The following TAFA5 variants were observed in gnomAD, a reference collection of about 807,000 sequenced individuals.
TAFA5 encodes the protein chemokine-like protein TAFA-5.
In TAFA5, 6 loss-of-function variants were observed where a neutral mutation model predicts 15.3. That is an observed-to-expected ratio of 0.39 (90% CI 0.21 to 0.77). The LOEUF is 0.77. Ranked by LOEUF, TAFA5 falls within the 30% of genes least tolerant of loss-of-function variation. The pLI, the probability that TAFA5 is intolerant of heterozygous loss-of-function variation, is 0.41. For missense variants in TAFA5, 161 were observed against 193.1 expected (o/e 0.83, Z 0.98); for synonymous variants, 103 against 80.7 (o/e 1.28, Z -1.48).
At chr22:48,528,560 A>G (rs987634996) in intron 1 of TAFA5, among the ~76,000 whole-genome samples, 1 of 152,162 alleles carries the variant, frequency 6.6e-6, no homozygotes, top group Non-Finnish European at 1.5e-5. Context: ...GGTTGATCCC[A>G]GGAGTCTGAG....
intron 1 of TAFA5, among the ~76,000 whole-genome samples, chr22:48,533,312 C>G (rs7284876): frequency 0.51 from 76,899 of 152,036 alleles, 19,734 homozygotes; most frequent in Non-Finnish European, 0.54. Flanking sequence ...TTGGCTCTCA[C>G]CTGGGACCCC....
chr22:48,713,763 G>A (rs1459401091), intron 3 of TAFA5, among the ~76,000 whole-genome samples: 3 of 152,238 alleles, frequency 2.0e-5, no homozygotes, highest in African/African-American at 7.2e-5. Context: ...AGGCCACCAG[G>A]ATCCTTGCCC....
chr22:48,698,127 T>C (rs1224621702), intron 2 of TAFA5, among the ~76,000 whole-genome samples: 1 of 149,338 alleles, frequency 6.7e-6, no homozygotes, highest in Admixed American at 6.7e-5. Flanking sequence ...ATAGCGATGG[T>C]GGTGGTTATG....
chr22:48,561,103 C>T (rs921493869), intron 1 of TAFA5, among the ~76,000 whole-genome samples: 28 of 152,160 alleles, frequency 1.8e-4, no homozygotes, highest in African/African-American at 6.3e-4. Context: ...GGTGATGCAT[C>T]CCACCCTGGG....
intron 2 of TAFA5, among the ~76,000 whole-genome samples, chr22:48,667,221 G>A (rs1231926852): frequency 7.0e-6 from 1 of 143,854 alleles, no homozygotes; most frequent in African/African-American, 2.5e-5. Flanking sequence ...CCTGGAGCCC[G>A]CCCGCCCTCC....
intron 1 of TAFA5, among the ~76,000 whole-genome samples, chr22:48,555,343 CT>C: frequency 6.6e-6 from 1 of 152,346 alleles, no homozygotes; most frequent in African/African-American, 2.4e-5. Flanking sequence ...GAGCAATCCC[CT>C]GTCTCACCAG....
At chr22:48,575,509 G>A (rs1431879746) in intron 1 of TAFA5, among the ~76,000 whole-genome samples, 1 of 146,264 alleles carries the variant, frequency 6.8e-6, no homozygotes, top group Admixed American at 6.8e-5. Flanking sequence ...CGAGCCGAGC[G>A]GGCGGGCGCG....
chr22:48,637,051 G>A (rs1261544425), intron 1 of TAFA5, among the ~76,000 whole-genome samples: 2 of 152,186 alleles, frequency 1.3e-5, no homozygotes, highest in Admixed American at 6.5e-5. Context: ...CCCTGGCTCG[G>A]GGCTTCTGGG....
chr22:48,632,082 C>T (rs897545850), intron 1 of TAFA5, among the ~76,000 whole-genome samples: 12 of 152,326 alleles, frequency 7.9e-5, no homozygotes, highest in East Asian at 1.9e-4. Flanking sequence ...GGGCCTAGGC[C>T]GGACGTGGTC....
chr22:48,646,645 G>A lies in TAFA5; in HGVS notation c.161G>A (p.Ser54Asn). ...GAGATTGTGACCTTGGACCGGGACAGCAGCCAGCCTCGGAGGACGATCGCC... is the reference window on the plus strand; with the variant it reads ...GAGATTGTGACCTTGGACCGGGACAACAGCCAGCCTCGGAGGACGATCGCC... ...TCEIVTLDRD[S>N]SQPRRTIARQ... The change falls in exon 2 of 4, where the codon AGC (serine) becomes AAC (asparagine). Residue 54 changes from serine to asparagine, a missense_variant. Ser to Asn is a conservative substitution (Grantham distance 46). Transcript: ENST00000402357. The A allele has an allele frequency of 6.2e-7, 1 of 1,612,450 alleles. No individual in the cohort carries two copies. Among genetic ancestry groups the A allele is most frequent in the Non-Finnish European group, 8.5e-7 (1 of 1,179,774 alleles).
chr22:48,595,276 T>C (rs545009695), intron 1 of TAFA5, among the ~76,000 whole-genome samples: 6 of 152,270 alleles, frequency 3.9e-5, no homozygotes, highest in African/African-American at 1.4e-4. Flanking sequence ...AGCTCCAACC[T>C]CAAACTTCAG....
At chr22:48,632,776 T>G (rs1297032858) in intron 1 of TAFA5, among the ~76,000 whole-genome samples, 1 of 152,166 alleles carries the variant, frequency 6.6e-6, no homozygotes, top group Non-Finnish European at 1.5e-5. Context: ...GCTGGAGGCC[T>G]CCTCGTCATC....
At chr22:48,660,949 T>G (rs17764184) in intron 2 of TAFA5, among the ~76,000 whole-genome samples, 113,040 of 151,664 alleles carry the variant, frequency 0.75, 42,244 homozygotes, top group South Asian at 0.82. Flanking sequence ...AGAGTTAGGG[T>G]CGTGTCTCTT....
At chr22:48,602,236 A>T (rs1473015275) in intron 1 of TAFA5, among the ~76,000 whole-genome samples, 1 of 152,094 alleles carries the variant, frequency 6.6e-6, no homozygotes, top group African/African-American at 2.4e-5. Flanking sequence ...TGCATGGGGG[A>T]TGGAAATGGG....
rs191220509 is a variant in TAFA5, at chr22:48,492,506, G to C, written c.112+2802G>C. On this transcript the variant is annotated intron_variant, in intron 1 of 3. Coordinates refer to ENST00000402357, the MANE Select transcript of TAFA5 (RefSeq NM_001082967.3). Reference sequence around the variant, plus strand: ...ACTGTTCTTGGCCCAGTGAGAGTCCGGCCTTCTTTCTTTCTCGTGTGCTGG... The same window carrying C: ...ACTGTTCTTGGCCCAGTGAGAGTCCCGCCTTCTTTCTTTCTCGTGTGCTGG... Among the ~76,000 whole-genome samples the C allele has an allele frequency of 2.3e-3, 345 of 152,246 alleles. 1 individual carries two copies. The highest frequency in any genetic ancestry group is 3.9e-3 in the Non-Finnish European group (268 of 68,024).
At chr22:48,528,062 C>T (rs915593091) in intron 1 of TAFA5, among the ~76,000 whole-genome samples, 3 of 152,250 alleles carry the variant, frequency 2.0e-5, no homozygotes, top group Non-Finnish European at 4.4e-5. Flanking sequence ...CTGGCTTGGC[C>T]GCCTGGGCCC....
rs565811930 is a variant in TAFA5 at position 48,617,970 on chromosome 22, C to T, written c.113-28627C>T. Among the ~76,000 whole-genome samples the T allele has an allele frequency of 1.2e-4, 18 of 152,220 alleles. No homozygotes were observed. In the South Asian group the frequency reaches 1.2e-3, roughly 11 times the overall value. On this transcript the variant is annotated intron_variant, in intron 1 of 3. Transcript: ENST00000402357. ...TCTTAAGAGCCCTGCCACATGGGCG[C>T]GGTTTTTATGGCCATTTTTTACAAA... is the stretch of plus-strand genomic sequence containing the variant.
intron 1 of TAFA5, among the ~76,000 whole-genome samples, chr22:48,517,372 T>C (rs4823797): frequency 0.33 from 49,801 of 151,494 alleles, 8,735 homozygotes; most frequent in Middle Eastern, 0.45. Flanking sequence ...TCCTGGCCAC[T>C]GGGACGGCTG....
intron 1 of TAFA5, among the ~76,000 whole-genome samples, chr22:48,600,771 G>A (rs1028588548): frequency 1.5e-4 from 23 of 152,154 alleles, no homozygotes; most frequent in African/African-American, 5.3e-4. Context: ...TGTTCCACTC[G>A]GGGCATGAAT....
Sources: allele counts gnomAD v4.1 joint callset (sites outside exome capture counted in the v4.1 genomes callset), GRCh38; gene constraint gnomAD v4.1.1; transcripts MANE v1.5; gene names NCBI Gene and HGNC (gene_info 2026-07-23, HGNC 2026-07-21).